UGT1A7: variants seen among roughly 807,000 people sequenced by gnomAD.
UGT1A7 encodes UDP-glucuronosyltransferase 1A7.
A neutral mutation model predicts 45.6 loss-of-function variants in UGT1A7; 33 were observed. That is an observed-to-expected ratio of 0.72 (90% confidence interval 0.55 to 0.97). UGT1A7 has a LOEUF of 0.97. Among genes scored for constraint, UGT1A7 ranks in the 50% least tolerant of loss-of-function variants. UGT1A7 has a pLI of 0.00. For missense variants in UGT1A7, 684 were observed against 666.2 expected (o/e 1.03, Z -0.29); for synonymous variants, 274 against 250.6 (o/e 1.09, Z -0.88).
intron 1 of UGT1A7, chr2:233,760,772 A>C: frequency 6.2e-7 from 1 of 1,613,930 alleles, no homozygotes; most frequent in Non-Finnish European, 8.5e-7. Flanking sequence ...ATCGTGGCCC[A>C]GTACCTGTCT....
intron 1 of UGT1A7, among the ~76,000 whole-genome samples, chr2:233,765,063 G>T (rs1333981989): frequency 6.6e-6 from 1 of 152,054 alleles, no homozygotes; most frequent in African/African-American, 2.4e-5. Context: ...CCCTGTCAGA[G>T]GTCTCCTGTG....
In UGT1A7 at chr2:233,753,335, C is replaced by T. The variant is rs1327117570; in HGVS notation, c.856-13699C>T. 3.9e-5 allele frequency: 6 copies of T among 151,986 alleles called. No homozygotes were observed. The East Asian group carries it at 9.6e-4, about 24-fold the overall frequency. 9.4% of individuals were successfully genotyped at this position (151,986 alleles called of 1,614,324 possible). A position where few individuals can be genotyped will look rare whatever the true frequency, so the allele number is the denominator to read the frequency against. ...CTGTGGGATGGTGCCAGCTGACTGC[C>T]ATTTTCCTGCTGTTTATTACTTGGG... On this transcript the variant is annotated intron_variant, in intron 1 of 4. Coordinates refer to ENST00000373426, the MANE Select transcript of UGT1A7 (RefSeq NM_019077.3).
At chr2:233,760,220 G>C (rs1697349973) in intron 1 of UGT1A7, 2 of 1,593,686 alleles carry the variant, frequency 1.3e-6, no homozygotes, top group South Asian at 2.2e-5. Flanking sequence ...TTGGTGTATC[G>C]ATTGGTTTTT....
chr2:233,729,880 G>A (rs746200260), intron 1 of UGT1A7: 2 of 1,613,860 alleles, frequency 1.2e-6, no homozygotes, highest in Non-Finnish European at 1.7e-6. Flanking sequence ...TCTCAGTCAT[G>A]CATCTGTGTG....
At chr2:233,705,779 T>C (rs1396486020) in intron 1 of UGT1A7, among the ~76,000 whole-genome samples, 2 of 152,210 alleles carry the variant, frequency 1.3e-5, no homozygotes, top group African/African-American at 2.4e-5. Context: ...AGTGTCTTAG[T>C]GCAAAATGCC....
chr2:233,767,641 T>G (rs941477411), intron 2 of UGT1A7, among the ~76,000 whole-genome samples: 5 of 152,170 alleles, frequency 3.3e-5, no homozygotes, highest in African/African-American at 1.2e-4. Flanking sequence ...TATCACAAAT[T>G]CACGTAGTGC....
intron 1 of UGT1A7, among the ~76,000 whole-genome samples, chr2:233,740,081 G>A (rs375117222): frequency 1.3e-5 from 2 of 151,740 alleles, no homozygotes; most frequent in African/African-American, 2.4e-5. Flanking sequence ...TCTGTCTCTC[G>A]CCTGCTGCCA....
At chr2:233,755,143 C>T (rs1695780518) in intron 1 of UGT1A7, 3 of 1,305,190 alleles carry the variant, frequency 2.3e-6, no homozygotes, top group Non-Finnish European at 3.1e-6. Context: ...AATCTTCTCA[C>T]CGCTTCCTCC....
chr2:233,758,140 G>T (rs572849917), intron 1 of UGT1A7, among the ~76,000 whole-genome samples: 1 of 152,274 alleles, frequency 6.6e-6, no homozygotes, highest in East Asian at 1.9e-4. Context: ...GGCAGATGAG[G>T]GAATTAGCAA....
intron 1 of UGT1A7, among the ~76,000 whole-genome samples, chr2:233,717,485 C>A (rs1315707595): frequency 6.6e-6 from 1 of 152,214 alleles, no homozygotes; most frequent in Non-Finnish European, 1.5e-5. Context: ...AAGGTGGAAT[C>A]TGTTATCAAT....
Position 233,755,049 on chromosome 2 carries a change from T to TCCGC in UGT1A7, c.856-11982_856-11979dup, listed in dbSNP as rs1457280659. The TCCGC allele has an allele frequency of 3.8e-6, 5 of 1,330,832 alleles. No homozygotes were observed. In the South Asian group the frequency reaches 5.7e-5, roughly 15 times the overall value. The allele number at this position is 1,330,832 out of a possible 1,614,324, so 82.4% of individuals were successfully genotyped here. ...GGGCCTGCCGCCTGCGCAGCCGCCC[T>TCCGC]CCGCCCTCGCCTCGCCATAGCGGTC... On this transcript the variant is annotated intron_variant, in intron 1 of 4. Coordinates refer to ENST00000373426, the MANE Select transcript of UGT1A7 (RefSeq NM_019077.3).
chr2:233,713,569 A>G, intron 1 of UGT1A7: 3 of 1,613,912 alleles, frequency 1.9e-6, no homozygotes, highest in Non-Finnish European at 2.5e-6. Context: ...CCTTCCTCCT[A>G]TATTCCTAGA....
intron 1 of UGT1A7, chr2:233,713,364 C>CT: frequency 6.2e-7 from 1 of 1,614,158 alleles, no homozygotes; most frequent in South Asian, 1.1e-5. Context: ...TTTGATCATA[C>CT]ATAGGTCTTG....
chr2:233,749,918 CA>C (rs1168394820), intron 1 of UGT1A7, among the ~76,000 whole-genome samples: 1 of 151,918 alleles, frequency 6.6e-6, no homozygotes. Flanking sequence ...AACTGTGAGT[CA>C]ATTAAAGCTC....
chr2:233,760,700 C>T, intron 1 of UGT1A7: 4 of 1,614,194 alleles, frequency 2.5e-6, no homozygotes, highest in Non-Finnish European at 3.4e-6. Context: ...GAGCTCATGG[C>T]CTCCCTGGCA....
At chr2:233,691,124 A>T (rs1305698863) in intron 1 of UGT1A7, 1 of 985,838 alleles carries the variant, frequency 1.0e-6, no homozygotes, top group African/African-American at 1.7e-5. Context: ...TGCTTAAGCC[A>T]TTCTTCCTCT....
Position 233,682,697 on chromosome 2 carries a change from C to T in UGT1A7, c.760C>T (p.Arg254Ter), listed in dbSNP as rs201879946. The T allele has an allele frequency of 6.1e-5, 99 of 1,613,832 alleles. No individual in the cohort carries two copies. The highest frequency in any genetic ancestry group is 1.7e-4 in the Middle Eastern group (1 of 6,054). Residue 254 changes from arginine (R) to a stop codon, truncating the protein, a stop_gained, in exon 1 of 5, where the codon CGA (arginine) becomes TGA (stop). Coordinates refer to ENST00000373426, the MANE Select transcript of UGT1A7 (RefSeq NM_019077.3). LOFTEE classifies it high-confidence loss of function. ...LYSHTSIWLL[R>*]TDFVLEYPKP... ...CAGCCACACATCAATTTGGTTGTTG[C>T]GAACTGACTTTGTTTTGGAGTATCC...
chr2:233,761,169 A>C, intron 1 of UGT1A7: 1 of 1,614,188 alleles, frequency 6.2e-7, no homozygotes, highest in Non-Finnish European at 8.5e-7. Flanking sequence ...TTGGAGTGGG[A>C]CTTTTACATG....
intron 1 of UGT1A7, among the ~76,000 whole-genome samples, chr2:233,736,048 T>A (rs909301616): frequency 6.6e-6 from 1 of 152,208 alleles, no homozygotes; most frequent in African/African-American, 2.4e-5. Context: ...TGAATTTGAA[T>A]GTTGGCCTGC....
Sources: allele counts gnomAD v4.1 joint callset (sites outside exome capture counted in the v4.1 genomes callset), GRCh38; gene constraint gnomAD v4.1.1; transcripts MANE v1.5; gene names NCBI Gene and HGNC (gene_info 2026-07-23, HGNC 2026-07-21).